The following SPG7 variants were observed in gnomAD, a reference collection of about 807,000 sequenced individuals.
The protein encoded by SPG7 is mitochondrial inner membrane m-AAA protease component paraplegin.
SPG7 carries 103 observed loss-of-function variants against 81.9 expected under a neutral mutation model. The observed-to-expected ratio is 1.26, with a 90% CI of 1.07 to 1.48. The LOEUF (loss-of-function observed/expected upper bound fraction) is 1.48, where lower values mean the gene tolerates loss of function less well. Among genes scored for constraint, SPG7 ranks in the 40% most tolerant of loss-of-function variants. SPG7 has a pLI of 0.00. For synonymous variants in SPG7, 534 were observed against 444.2 expected (o/e 1.20, Z -2.54); for missense variants, 1,241 against 1,087.3 (o/e 1.14, Z -1.99).
At chr16:89,510,292 C>T (rs2057997927) in intron 1 of SPG7, among the ~76,000 whole-genome samples, 198 bp from the exon 2 acceptor site, 1 of 152,130 alleles carries the variant, frequency 6.6e-6, no homozygotes, top group African/African-American at 2.4e-5. Flanking sequence ...GTGTTTTAAC[C>T]TGTTTACTTG....
Position 89,556,932 on chromosome 16 carries a change from A to C in SPG7, c.2227A>C (p.Ile743Leu), listed in dbSNP as rs372231786. 17 of 1,613,984 alleles carry C rather than the reference A, an allele frequency of 1.1e-5. No homozygotes were observed. The highest frequency in any genetic ancestry group is 1.4e-5 in the Non-Finnish European group (17 of 1,180,006). The change falls in exon 17 of 17, where the codon ATT becomes CTT. Residue 743 changes from isoleucine (I) to leucine (L), a missense_variant. Transcript: ENST00000645818. ...AAAGGAAGTGATAAACTATGAGGAC[A>C]TTGAGGCTCTCATTGGCCCGCCGCC... ...LEKEVINYEDIEALIGPPPHG... is the reference protein window; with the variant it reads ...LEKEVINYEDLEALIGPPPHG...
intron 10 of SPG7, 52 bp from the exon 11 acceptor site, chr16:89,546,606 T>C: frequency 9.1e-7 from 1 of 1,095,658 alleles, no homozygotes; most frequent in Non-Finnish European, 1.4e-6. Context: ...GCCGCACCTG[T>C]GGCAGTAACT....
In SPG7 at chr16:89,536,826, C is replaced by T. The variant is rs142422865; in HGVS notation, c.1324+4190C>T. ...TGAGGAAGCTCAGAGGAAAGACCCC[C>T]GCCTGCTCCTGTCTCACGGAGCCCA... On this transcript the variant is annotated intron_variant, in intron 9 of 16. Transcript: ENST00000645818. 151 of 1,613,988 alleles carry T rather than the reference C, an allele frequency of 9.4e-5. 1 individual carries two copies. The highest frequency in any genetic ancestry group is 8.2e-4 in the Middle Eastern group (5 of 6,082).
intron 14 of SPG7, 66 bp downstream of exon 14, chr16:89,553,201 C>T (rs2058654274): frequency 7.0e-7 from 1 of 1,424,072 alleles, no homozygotes; most frequent in Non-Finnish European, 9.7e-7. Flanking sequence ...TCCTTCTGTT[C>T]CAGTGCATGC....
At chr16:89,517,634 T>TTTG (rs1567900537) in intron 3 of SPG7, 1 of 151,574 alleles carries the variant, frequency 6.6e-6, no homozygotes, top group East Asian at 1.9e-4. Flanking sequence ...TTTTTTTTTT[T>TTTG]TTGAGATGGA....
chr16:89,520,472 C>G (rs2058171090), intron 3 of SPG7: 1 of 160,016 alleles, frequency 6.2e-6, no homozygotes, highest in African/African-American at 2.4e-5. Context: ...TCTCAGCCCA[C>G]TGCAACCTCC....
chr16:89,535,264 A>G (rs985928011), intron 9 of SPG7, among the ~76,000 whole-genome samples: 3 of 152,048 alleles, frequency 2.0e-5, no homozygotes, highest in Admixed American at 1.3e-4. Flanking sequence ...TGGGTGCTCC[A>G]TGTTCCCTGT....
rs910151758 is a variant in SPG7 at position 89,531,895 on chromosome 16, G to A, written c.988-9G>A. On this transcript the variant is annotated splice_polypyrimidine_tract_variant and intron_variant, in intron 7 of 16. Transcript: ENST00000645818. ...AGTAGTTAGTGTTGCATTGTCTGCT[G>A]CCGTCCAGAGCCCAGAACGCTTCCT... The A allele has an allele frequency of 1.9e-6, 3 of 1,614,048 alleles. No homozygotes were observed. The highest frequency in any genetic ancestry group is 1.3e-5 in the African/African-American group (1 of 75,026).
At chr16:89,544,813 C>T (rs768776489) in intron 10 of SPG7, 41 bp downstream of exon 10, 8 of 1,611,826 alleles carry the variant, frequency 5.0e-6, no homozygotes, top group East Asian at 2.2e-5. Context: ...CCACCTGGGC[C>T]GCCCCCACTC....
chr16:89,537,244 T>G, intron 9 of SPG7: 1 of 1,406,700 alleles, frequency 7.1e-7, no homozygotes, highest in Non-Finnish European at 9.2e-7. Context: ...GCCTTGTTGG[T>G]TACGTCAGCC....
At position 89,553,074 on chromosome 16, in the gene SPG7, G is replaced by A; in HGVS notation, c.1875G>A (p.Arg625=). 1 of 1,613,784 alleles carries A rather than the reference G, an allele frequency of 6.2e-7. No individual in the cohort carries two copies. The highest frequency in any genetic ancestry group is 8.5e-7 in the Non-Finnish European group (1 of 1,179,864). Residue 625 remains arginine (R), a synonymous_variant, in exon 14 of 17, where the codon CGG becomes CGA. Coordinates refer to ENST00000645818, the MANE Select transcript of SPG7 (RefSeq NM_003119.4). The stretch of plus-strand genomic sequence containing the variant: ...TCACCAAGGAGCAGCTGTTTGAGCG[G>A]ATGTGCATGGCCCTGGGAGGACGGG... ...HLFTKEQLFE[R]MCMALGGRAS...
rs763413730 is a variant in SPG7, at chr16:89,510,506, TG to T, written c.201del (p.Leu68Ter). The T allele has an allele frequency of 2.5e-6, 4 of 1,581,702 alleles. No individual in the cohort carries two copies. In the African/African-American group the frequency reaches 5.4e-5, roughly 21 times the overall value. On this transcript the variant is annotated frameshift_variant, in exon 2 of 17. Coordinates refer to ENST00000645818, the MANE Select transcript of SPG7 (RefSeq NM_003119.4). LOFTEE classifies it high-confidence loss of function. ...TTTTTTCAGAGCTTACAATTGAGAC[TG>T]CTAACCCCTACCTTTGAAGGGATCA... ...GRALQSLQLRLLTPTFEGING... is the reference protein window; with the variant it reads ...GRALQSLQLRXLTPTFEGING...
At chr16:89,546,147 C>T (rs376918751) in intron 10 of SPG7, 4 of 293,152 alleles carry the variant, frequency 1.4e-5, no homozygotes, top group African/African-American at 6.7e-5. Flanking sequence ...AGTGCAGCGG[C>T]GCGATCTCGG....
At chr16:89,551,377 T>C (rs1260793351) in intron 13 of SPG7, 1 of 156,524 alleles carries the variant, frequency 6.4e-6, no homozygotes, top group Non-Finnish European at 1.4e-5. Context: ...CGTGATTGGT[T>C]CTCAGGTGTG....
At chr16:89,550,700 CTG>C (rs1439006349) in intron 13 of SPG7, 91 bp downstream of exon 13, 37 of 844,114 alleles carry the variant, frequency 4.4e-5, no homozygotes, top group Non-Finnish European at 6.5e-5. Flanking sequence ...GGAGTCCCGC[CTG>C]TGTCTGTAGC....
At chr16:89,510,881 G>A (rs1053922106) in intron 2 of SPG7, among the ~76,000 whole-genome samples, 4 of 152,318 alleles carry the variant, frequency 2.6e-5, no homozygotes, top group African/African-American at 9.6e-5. Context: ...GCCCAAAGGG[G>A]CCTCTTTACT....
At chr16:89,542,538 A>T (rs1216398445) in intron 9 of SPG7, among the ~76,000 whole-genome samples, 1 of 152,192 alleles carries the variant, frequency 6.6e-6, no homozygotes, top group Non-Finnish European at 1.5e-5. Context: ...TCACATTCTG[A>T]CGTGTGGAAC....
intron 9 of SPG7, chr16:89,536,654 G>A: frequency 3.0e-6 from 4 of 1,326,698 alleles, no homozygotes; most frequent in Non-Finnish European, 4.3e-6. Flanking sequence ...GGTGGGCGAG[G>A]CAGGCGAGGC....
chr16:89,550,498 T>G lies in SPG7; in HGVS notation c.1668T>G (p.Thr556=). Residue 556 remains threonine (T), a synonymous_variant, in exon 13 of 17, where the codon ACT becomes ACG. Transcript: ENST00000645818. ...CATACCCCGGCATTCTTTCAGGGAC[T>G]GCCAAAAAGAGCAAGATCCTGTCCA... The part of the protein sequence containing the change: ...EYAVERVLAG[T]AKKSKILSKE... 1 of 1,612,720 alleles carries G rather than the reference T, an allele frequency of 6.2e-7. No individual in the cohort carries two copies. Among genetic ancestry groups the G allele is most frequent in the Non-Finnish European group, 8.5e-7 (1 of 1,179,254 alleles).
Sources: gnomAD v4.1 joint callset for allele counts (sites outside exome capture counted in the v4.1 genomes callset) on GRCh38, gnomAD v4.1.1 for gene constraint, MANE v1.5 for transcripts, NCBI Gene and HGNC (gene_info 2026-07-23, HGNC 2026-07-21) for gene names.